DCAF8L2: variants seen among roughly 807,000 people sequenced by gnomAD.
DCAF8L2 encodes the protein DDB1 and CUL4 associated factor 8 like 2.
For synonymous variants in DCAF8L2, 200 were observed against 190.9 expected (o/e 1.05, Z -0.39); for missense variants, 430 against 490.7 (o/e 0.88, Z 1.17).
the DCAF8L2 span, among the ~76,000 whole-genome samples, chrX:27,526,576 T>A: frequency 1.8e-5 from 2 of 110,704 alleles, no homozygotes; most frequent in Non-Finnish European, 3.8e-5. Flanking sequence ...GAGGAGCTGT[T>A]TTCCTTTGGA....
At chrX:27,561,468 C>G in the DCAF8L2 span, among the ~76,000 whole-genome samples, 1 of 110,847 alleles carries the variant, frequency 9.0e-6, no homozygotes, top group Admixed American at 9.7e-5. Context: ...TATAATTGAC[C>G]AATTCAAAGT....
intron 2 of DCAF8L2, among the ~76,000 whole-genome samples, chrX:27,675,918 G>A (rs951651094): frequency 8.9e-6 from 1 of 112,175 alleles, no homozygotes; most frequent in African/African-American, 3.2e-5. Flanking sequence ...AGAGTAATCC[G>A]CTGTCAAGGG....
chrX:27,494,401 G>A, the DCAF8L2 span, among the ~76,000 whole-genome samples: 78 of 110,520 alleles, frequency 7.1e-4, 1 homozygote, highest in East Asian at 9.1e-3. Context: ...GCAAGACTCC[G>A]TCTCAAAAAT....
the DCAF8L2 span, among the ~76,000 whole-genome samples, chrX:27,533,168 A>AG: frequency 9.5e-4 from 12 of 12,683 alleles, no homozygotes; most frequent in Admixed American, 2.5e-3. Flanking sequence ...GAGAGAGAGA[A>AG]AGAAAGAAAG....
intron 1 of DCAF8L2, among the ~76,000 whole-genome samples, chrX:27,624,525 G>A (rs1437224689): frequency 9.0e-6 from 1 of 110,777 alleles, no homozygotes; most frequent in African/African-American, 3.3e-5. Context: ...AAACTCATAT[G>A]GAATCAAAAA....
At chrX:27,704,181 C>CACACACACACAT (rs200753295) in intron 3 of DCAF8L2, among the ~76,000 whole-genome samples, 14 of 89,439 alleles carry the variant, frequency 1.6e-4, no homozygotes, top group African/African-American at 6.1e-4. Context: ...TATACATATA[C>CACACACACACAT]ACACACACAT....
intron 3 of DCAF8L2, among the ~76,000 whole-genome samples, chrX:27,704,173 T>TATATATACACACAC (rs757835089): frequency 1.1e-4 from 5 of 44,286 alleles, no homozygotes; most frequent in African/African-American, 3.0e-4. Context: ...TATATATATA[T>TATATATACACACAC]ACATATACAC....
chrX:27,572,253 A>G, the DCAF8L2 span, among the ~76,000 whole-genome samples: 1 of 111,704 alleles, frequency 9.0e-6, no homozygotes, highest in African/African-American at 3.3e-5. Context: ...GTTATCATAC[A>G]GTCAAGCAAT....
chrX:27,599,550 A>G (rs2147118263), intron 1 of DCAF8L2, among the ~76,000 whole-genome samples: 1 of 111,812 alleles, frequency 8.9e-6, no homozygotes, highest in South Asian at 3.7e-4. Flanking sequence ...AAAAAATTGA[A>G]TTAGTAGTAT....
chrX:27,707,881 G>A (rs1273020362), intron 3 of DCAF8L2, among the ~76,000 whole-genome samples: 1 of 111,447 alleles, frequency 9.0e-6, no homozygotes, highest in African/African-American at 3.3e-5. Context: ...TTGTGATTAT[G>A]GAAGTTAGGG....
At chrX:27,610,279 A>C (rs1014603825) in intron 1 of DCAF8L2, among the ~76,000 whole-genome samples, 3 of 110,999 alleles carry the variant, frequency 2.7e-5, no homozygotes, top group African/African-American at 9.8e-5. Context: ...GTGGGATTCG[A>C]AACTACATTA....
At chrX:27,543,195 A>G in the DCAF8L2 span, among the ~76,000 whole-genome samples, 2 of 112,305 alleles carry the variant, frequency 1.8e-5, no homozygotes, top group East Asian at 2.8e-4. Context: ...GTTTCAGTCT[A>G]CATAAGGCTA....
intron 4 of DCAF8L2, among the ~76,000 whole-genome samples, chrX:27,737,397 C>G (rs1204049630): frequency 8.9e-6 from 1 of 111,775 alleles, no homozygotes; most frequent in African/African-American, 3.3e-5. Flanking sequence ...CAACCTCCAC[C>G]TGCTTCCCAC....
At chrX:27,502,335 A>ATATATAT in the DCAF8L2 span, among the ~76,000 whole-genome samples, 5 of 12,694 alleles carry the variant, frequency 3.9e-4, no homozygotes, top group Non-Finnish European at 7.6e-4. Flanking sequence ...AAAAAAAAAA[A>ATATATAT]ATATATATAT....
At chrX:27,666,175 ATTAC>A (rs1214448344) in intron 2 of DCAF8L2, among the ~76,000 whole-genome samples, 19 of 112,164 alleles carry the variant, frequency 1.7e-4, no homozygotes, top group Non-Finnish European at 3.2e-4. Context: ...TGTTTACAAT[ATTAC>A]TTACTTATGC....
At chrX:27,540,212 G>C in the DCAF8L2 span, among the ~76,000 whole-genome samples, 1 of 111,307 alleles carries the variant, frequency 9.0e-6, no homozygotes, top group Non-Finnish European at 1.9e-5. Flanking sequence ...TCTCTTACTT[G>C]AGTTGAAAAG....
At chrX:27,489,388 C>T in the DCAF8L2 span, among the ~76,000 whole-genome samples, 21 of 112,686 alleles carry the variant, frequency 1.9e-4, no homozygotes, top group South Asian at 6.5e-3. Flanking sequence ...TGAGCCACCA[C>T]GCCCGACCTC....
At chrX:27,691,315 A>G (rs1270085798) in intron 3 of DCAF8L2, among the ~76,000 whole-genome samples, 1 of 111,674 alleles carries the variant, frequency 9.0e-6, no homozygotes, top group African/African-American at 3.2e-5. Flanking sequence ...AGAAATATAG[A>G]TGAGAGATAA....
At chrX:27,610,970 AC>A (rs1927134170) in intron 1 of DCAF8L2, among the ~76,000 whole-genome samples, 1 of 112,574 alleles carries the variant, frequency 8.9e-6, no homozygotes, top group South Asian at 3.7e-4. Context: ...CGGAAAAAAA[AC>A]ATCAGTAACG....
Sources: gnomAD v4.1 joint callset for allele counts (sites outside exome capture counted in the v4.1 genomes callset) on GRCh38, gnomAD v4.1.1 for gene constraint, MANE v1.5 for transcripts, NCBI Gene and HGNC (gene_info 2026-07-23, HGNC 2026-07-21) for gene names.